The following GRM1 variants were observed in gnomAD, a reference collection of about 807,000 sequenced individuals.
GRM1 encodes the protein glutamate metabotropic receptor 1.
A neutral mutation model predicts 90.9 loss-of-function variants in GRM1; 33 were observed. The ratio of observed to expected loss-of-function variants is 0.36; its 90% CI spans 0.28 to 0.49. GRM1 has a LOEUF of 0.49. Among genes scored for constraint, GRM1 ranks in the 20% least tolerant of loss-of-function variants. The pLI is 0.99. For synonymous variants in GRM1, 700 were observed against 613.2 expected, an observed-to-expected ratio of 1.14 and a Z score of -2.09; for missense variants, 1,190 against 1,534.3, an observed-to-expected ratio of 0.78 and a Z score of 3.75.
intron 2 of GRM1, among the ~76,000 whole-genome samples, chr6:146,168,191 A>G (rs926105234): frequency 6.6e-6 from 1 of 152,046 alleles, no homozygotes; most frequent in Middle Eastern, 3.6e-3. Flanking sequence ...GTGTATTCTT[A>G]TCTTAGATTA....
intron 1 of GRM1, among the ~76,000 whole-genome samples, chr6:146,147,743 G>A (rs575622143): frequency 4.7e-4 from 71 of 152,280 alleles, no homozygotes; most frequent in African/African-American, 1.7e-3. Context: ...GACTAGGCCT[G>A]CAGCCTAGCC....
intron 7 of GRM1, among the ~76,000 whole-genome samples, chr6:146,413,861 G>A (rs1246606542): frequency 6.6e-6 from 1 of 152,136 alleles, no homozygotes; most frequent in Non-Finnish European, 1.5e-5. Flanking sequence ...CACAACATGA[G>A]ATTCATCCAT....
chr6:146,193,632 G>A (rs1401902049), intron 2 of GRM1, among the ~76,000 whole-genome samples: 1 of 152,152 alleles, frequency 6.6e-6, no homozygotes, highest in Non-Finnish European at 1.5e-5. Flanking sequence ...TACATATTTT[G>A]TGTGTCTCAG....
chr6:146,365,761 C>G (rs1295262292), intron 5 of GRM1, among the ~76,000 whole-genome samples: 1 of 152,140 alleles, frequency 6.6e-6, no homozygotes, highest in Non-Finnish European at 1.5e-5. Flanking sequence ...CTTAGCGGGA[C>G]CTTACCTGAC....
intron 3 of GRM1, among the ~76,000 whole-genome samples, chr6:146,318,166 A>G (rs990244565): frequency 6.6e-6 from 1 of 151,962 alleles, no homozygotes; most frequent in Admixed American, 6.6e-5. Flanking sequence ...CTATCCCCCA[A>G]CAGGCCCCAG....
intron 1 of GRM1, among the ~76,000 whole-genome samples, chr6:146,061,401 C>CA (rs546014458): frequency 6.0e-4 from 91 of 152,136 alleles, no homozygotes; most frequent in South Asian, 3.5e-3. Context: ...ATTTATTGTG[C>CA]ATCACAGATA....
intron 1 of GRM1, among the ~76,000 whole-genome samples, chr6:146,111,593 G>A (rs1403312759): frequency 1.3e-5 from 2 of 152,176 alleles, no homozygotes; most frequent in South Asian, 2.1e-4. Flanking sequence ...CTTGACTGAC[G>A]TGTAAAGCCA....
At chr6:146,397,207 G>A (rs1250729613) in intron 6 of GRM1, among the ~76,000 whole-genome samples, 1 of 152,018 alleles carries the variant, frequency 6.6e-6, no homozygotes, top group Non-Finnish European at 1.5e-5. Context: ...AGCTGGCTGG[G>A]TGTGGTGGCT....
At chr6:146,287,212 C>G (rs1214422027) in intron 2 of GRM1, among the ~76,000 whole-genome samples, 1 of 152,140 alleles carries the variant, frequency 6.6e-6, no homozygotes, top group African/African-American at 2.4e-5. Context: ...GAGACTCTTC[C>G]CATAATTTTG....
At chr6:146,077,417 C>T (rs1776224902) in intron 1 of GRM1, among the ~76,000 whole-genome samples, 1 of 152,164 alleles carries the variant, frequency 6.6e-6, no homozygotes, top group South Asian at 2.1e-4. Flanking sequence ...TTCTGCACTC[C>T]TCTCCTTACA....
intron 4 of GRM1, among the ~76,000 whole-genome samples, chr6:146,356,095 T>G (rs1169464284): frequency 6.6e-6 from 1 of 152,176 alleles, no homozygotes; most frequent in Non-Finnish European, 1.5e-5. Context: ...AGAGTTCCCA[T>G]GACTGAGATA....
intron 6 of GRM1, among the ~76,000 whole-genome samples, chr6:146,397,493 A>AG (rs1777005533): frequency 1.3e-5 from 2 of 150,884 alleles, no homozygotes; most frequent in African/African-American, 4.9e-5. Flanking sequence ...AGAAAAAAAA[A>AG]AAAAAAAAAA....
At chr6:146,165,378 T>C (rs898050244) in intron 2 of GRM1, among the ~76,000 whole-genome samples, 2 of 152,136 alleles carry the variant, frequency 1.3e-5, no homozygotes, top group Non-Finnish European at 1.5e-5. Context: ...TATGAGTTAT[T>C]TTAGTTTCAT....
chr6:146,396,945 A>G (rs959305841), intron 6 of GRM1, among the ~76,000 whole-genome samples: 13 of 152,346 alleles, frequency 8.5e-5, no homozygotes, highest in East Asian at 3.9e-4. Context: ...ATCCTAGGAC[A>G]ACTACATAAA....
At chr6:146,066,175 G>C (rs1025973826) in intron 1 of GRM1, among the ~76,000 whole-genome samples, 8 of 152,274 alleles carry the variant, frequency 5.3e-5, no homozygotes, top group African/African-American at 1.9e-4. Context: ...CTAGGTAAGA[G>C]AGTATATTAC....
At chr6:146,145,558 G>A (rs1777063990) in intron 1 of GRM1, among the ~76,000 whole-genome samples, 1 of 152,140 alleles carries the variant, frequency 6.6e-6, no homozygotes, top group Admixed American at 6.5e-5. Flanking sequence ...TGTAAACTTT[G>A]GTGGCGTCCA....
At chr6:146,028,643 C>A (rs1790590178), upstream of GRM1, among the ~76,000 whole-genome samples, 1 of 152,046 alleles carries the variant, frequency 6.6e-6, no homozygotes, top group African/African-American at 2.4e-5. Context: ...CTTTACCAGG[C>A]GTTGCCTTAG....
intron 3 of GRM1, among the ~76,000 whole-genome samples, chr6:146,348,644 T>C (rs1218243829): frequency 3.3e-5 from 5 of 152,250 alleles, no homozygotes; most frequent in Admixed American, 3.3e-4. Flanking sequence ...GTATCTAGCC[T>C]CCCGGCTCTC....
rs531618015 is a variant in GRM1, at chr6:146,214,559, T to C, written c.950+54962T>C. Reference sequence around the variant, plus strand: ...CTATTACAAAGACCCAAAAAGGATATGATAAGTATCAATACAATAGGTCAT... The same window carrying C: ...CTATTACAAAGACCCAAAAAGGATACGATAAGTATCAATACAATAGGTCAT... On this transcript the variant is annotated intron_variant, in intron 2 of 7. Transcript: ENST00000282753. Among the ~76,000 whole-genome samples, 20 of 152,126 alleles carry C rather than the reference T, an allele frequency of 1.3e-4. 1 individual carries two copies. The East Asian group carries it at 3.5e-3, about 26-fold the overall frequency.
Sources: gnomAD v4.1 joint callset for allele counts (sites outside exome capture counted in the v4.1 genomes callset) on GRCh38, gnomAD v4.1.1 for gene constraint, MANE v1.5 for transcripts, NCBI Gene and HGNC (gene_info 2026-07-23, HGNC 2026-07-21) for gene names.